The following PTTG1IP2 variants were observed in gnomAD, a reference collection of about 807,000 sequenced individuals.
The protein encoded by PTTG1IP2 is PTTG1IP family member 2.
intron 6 of PTTG1IP2, among the ~76,000 whole-genome samples, chr7:90,508,222 G>A (rs771899575): frequency 6.7e-6 from 1 of 149,376 alleles, no homozygotes; most frequent in Non-Finnish European, 1.5e-5. Flanking sequence ...AGCTGAGATT[G>A]CGCCACTGCC....
intron 2 of PTTG1IP2, among the ~76,000 whole-genome samples, chr7:90,486,721 T>C (rs1035650709): frequency 2.0e-5 from 3 of 152,046 alleles, no homozygotes; most frequent in Non-Finnish European, 4.4e-5. Context: ...GAAAGAGTGA[T>C]AGAGAGATTT....
intron 6 of PTTG1IP2, among the ~76,000 whole-genome samples, chr7:90,501,311 C>T (rs935241113): frequency 9.2e-5 from 14 of 152,100 alleles, no homozygotes; most frequent in Admixed American, 3.3e-4. Context: ...ATTATGTTTA[C>T]GCTATACTGT....
intron 6 of PTTG1IP2, among the ~76,000 whole-genome samples, chr7:90,497,563 CA>C (rs758753541): frequency 0.087 from 3,877 of 44,362 alleles, 50 homozygotes; most frequent in African/African-American, 0.19. Context: ...GAATCCGTCT[CA>C]AAAAAAAAAA....
At chr7:90,510,505 G>C (rs1399074220) in intron 6 of PTTG1IP2, among the ~76,000 whole-genome samples, 1 of 152,176 alleles carries the variant, frequency 6.6e-6, no homozygotes, top group African/African-American at 2.4e-5. Flanking sequence ...TTATTTGTGT[G>C]TGTGTGTGTG....
chr7:90,487,763 C>T (rs559632768), intron 3 of PTTG1IP2, among the ~76,000 whole-genome samples: 1 of 152,254 alleles, frequency 6.6e-6, no homozygotes, highest in South Asian at 2.1e-4. Flanking sequence ...ATACCAGTAG[C>T]TAAATACTTT....
chr7:90,486,467 CTTT>C (rs532687452), intron 2 of PTTG1IP2, among the ~76,000 whole-genome samples: 24 of 119,182 alleles, frequency 2.0e-4, no homozygotes, highest in Admixed American at 2.7e-4. Flanking sequence ...CTTTGTCTTC[CTTT>C]TTTTTTTTTT....
At chr7:90,476,912 T>C (rs28949570) in intron 1 of PTTG1IP2, among the ~76,000 whole-genome samples, 1 of 152,180 alleles carries the variant, frequency 6.6e-6, no homozygotes, top group South Asian at 2.1e-4. Flanking sequence ...TTTATATTAT[T>C]AATTTATTGC....
chr7:90,471,378 G>T (rs988915330), intron 1 of PTTG1IP2, among the ~76,000 whole-genome samples: 10 of 152,160 alleles, frequency 6.6e-5, no homozygotes, highest in African/African-American at 2.4e-4. Flanking sequence ...AGGTTGTTTT[G>T]ATCCCCAGGA....
chr7:90,475,302 G>A (rs1797735090), intron 1 of PTTG1IP2, among the ~76,000 whole-genome samples: 1 of 152,122 alleles, frequency 6.6e-6, no homozygotes. Flanking sequence ...AGGGTCAGAG[G>A]ATAATTACGC....
At chr7:90,484,421 G>A (rs1360293694) in intron 2 of PTTG1IP2, among the ~76,000 whole-genome samples, 1 of 151,972 alleles carries the variant, frequency 6.6e-6, no homozygotes, top group Admixed American at 6.6e-5. Context: ...CCTAAAATGA[G>A]TACTATAATT....
chr7:90,510,315 C>A (rs551553641), intron 6 of PTTG1IP2, among the ~76,000 whole-genome samples: 6 of 152,212 alleles, frequency 3.9e-5, no homozygotes, highest in Non-Finnish European at 7.4e-5. Context: ...AAAAAAAGTG[C>A]AAATTGACTC....
At chr7:90,472,310 ACACACACACACC>A (rs1338102188) in intron 1 of PTTG1IP2, among the ~76,000 whole-genome samples, 71 of 103,056 alleles carry the variant, frequency 6.9e-4, no homozygotes, top group African/African-American at 2.2e-3. Context: ...ACACACACAC[ACACACACACACC>A]CCAAATAATC....
At chr7:90,474,794 A>C (rs1377939248) in intron 1 of PTTG1IP2, among the ~76,000 whole-genome samples, 1 of 152,236 alleles carries the variant, frequency 6.6e-6, no homozygotes, top group Non-Finnish European at 1.5e-5. Flanking sequence ...TGATTGTGCT[A>C]ACACAATCAA....
intron 6 of PTTG1IP2, among the ~76,000 whole-genome samples, chr7:90,512,569 T>C (rs1277418593): frequency 6.6e-6 from 1 of 152,166 alleles, no homozygotes; most frequent in East Asian, 1.9e-4. Flanking sequence ...CAGGATTTAT[T>C]GGCCATTCTA....
At chr7:90,497,942 T>C (rs571687502) in intron 6 of PTTG1IP2, among the ~76,000 whole-genome samples, 1 of 152,260 alleles carries the variant, frequency 6.6e-6, no homozygotes, top group South Asian at 2.1e-4. Context: ...TTATTGCCTG[T>C]CTCTTCCTTC....
In PTTG1IP2 at chr7:90,488,956, C is replaced by T. The variant is rs569978770; in HGVS notation, c.372C>T (p.Tyr124=). 2.6e-5 allele frequency: 4 copies of T among 151,946 alleles called. No individual in the cohort carries two copies. In the South Asian group the frequency reaches 8.3e-4, roughly 32 times the overall value. The allele number at this position is 151,946 out of a possible 1,614,324, so 9.4% of individuals were successfully genotyped here. A position where few individuals can be genotyped will look rare whatever the true frequency, so the allele number is the denominator to read the frequency against. Residue 124 remains tyrosine (Y), a synonymous_variant, in exon 4 of 7, where the codon TAC becomes TAT. Coordinates refer to ENST00000509356, the MANE Select transcript of PTTG1IP2 (RefSeq NM_001365443.2). ...FVWYCCAYHF[Y]LQDLNRNRVY... ...GGTACTGCTGCGCCTATCACTTTTA[C>T]CTGCAGGAGTATGCTCATTTTATCC...
intron 1 of PTTG1IP2, among the ~76,000 whole-genome samples, chr7:90,472,148 C>T (rs1797696008): frequency 6.6e-6 from 1 of 151,952 alleles, no homozygotes; most frequent in African/African-American, 2.4e-5. Flanking sequence ...AGGATCTCAC[C>T]TACACTATAT....
At chr7:90,496,003 A>G (rs1193944517) in intron 6 of PTTG1IP2, among the ~76,000 whole-genome samples, 1 of 152,084 alleles carries the variant, frequency 6.6e-6, no homozygotes, top group Non-Finnish European at 1.5e-5. Context: ...ATTATTCGAG[A>G]TTTTCCCCAC....
At chr7:90,494,562 T>C (rs1313574891) in intron 6 of PTTG1IP2, 132 bp downstream of exon 6, 1 of 152,098 alleles carries the variant, frequency 6.6e-6, no homozygotes, top group Non-Finnish European at 1.5e-5. Flanking sequence ...TGTAGGCAGA[T>C]TTTCAATGCC....
Sources: gnomAD v4.1 joint callset for allele counts (sites outside exome capture counted in the v4.1 genomes callset) on GRCh38, gnomAD v4.1.1 for gene constraint, MANE v1.5 for transcripts, NCBI Gene and HGNC (gene_info 2026-07-23, HGNC 2026-07-21) for gene names.